Variants in TDRD10 observed in about 807,000 individuals in gnomAD.
TDRD10 encodes tudor domain-containing protein 10.
A neutral mutation model predicts 48.0 loss-of-function variants in TDRD10; 40 were observed. The ratio of observed to expected loss-of-function variants is 0.83; its 90% CI spans 0.65 to 1.09. The LOEUF is 1.09. TDRD10 is among the 50% of genes least tolerant of loss of function. The pLI is 0.00. For synonymous variants in TDRD10, 162 were observed against 170.4 expected (o/e 0.95, Z 0.38); for missense variants, 378 against 434.7 (o/e 0.87, Z 1.16).
Position 154,542,046 on chromosome 1 carries a change from A to T in TDRD10, c.392A>T (p.Glu131Val). The change falls in exon 7 of 13, where the codon GAA becomes GTA. Residue 131 changes from glutamate to valine, a missense_variant. Physicochemically the swap from Glu to Val is moderately radical, Grantham distance 121. Coordinates refer to ENST00000368482, the MANE Select transcript of TDRD10 (RefSeq NM_182499.4). Reference sequence around the variant, plus strand: ...CAGGTGTTGGAGAAGGCTTCTGGTGAAGGATTTGGCAAAACCGCCGGTGAG... The same window carrying T: ...CAGGTGTTGGAGAAGGCTTCTGGTGTAGGATTTGGCAAAACCGCCGGTGAG... ...APLVLEKASG[E>V]GFGKTAAIIQ... is the part of the protein sequence containing the mutation. 6.2e-7 allele frequency: 1 copy of T among 1,613,968 alleles called. No individual in the cohort carries two copies. Among genetic ancestry groups the T allele is most frequent in the Non-Finnish European group, 8.5e-7 (1 of 1,179,926 alleles).
intron 4 of TDRD10, among the ~76,000 whole-genome samples, chr1:154,518,459 G>A (rs1448975405): frequency 6.6e-6 from 1 of 151,322 alleles, no homozygotes; most frequent in Non-Finnish European, 1.5e-5. Context: ...ACGGAGTCTT[G>A]CTCTGTCACC....
At chr1:154,520,174 A>T in intron 4 of TDRD10, 130 bp from the exon 5 acceptor site, 1 of 661,746 alleles carries the variant, frequency 1.5e-6, no homozygotes, top group East Asian at 2.7e-5. Flanking sequence ...TGGCACGTAC[A>T]GCACATAATA....
intron 11 of TDRD10, 22 bp from the exon 12 acceptor site, chr1:154,547,387 G>A (rs1571001075): frequency 6.2e-7 from 1 of 1,614,060 alleles, no homozygotes; most frequent in South Asian, 1.1e-5. Context: ...CTGAGGTTTT[G>A]TTGTTGTGTC....
chr1:154,543,817 C>T (rs1485087338), intron 8 of TDRD10, 146 bp from the exon 9 acceptor site: 1 of 1,262,252 alleles, frequency 7.9e-7, no homozygotes, highest in Non-Finnish European at 1.1e-6. Flanking sequence ...AGCTCCCACC[C>T]TAGAGGGGGT....
At chr1:154,536,317 G>C (rs1026017540) in intron 6 of TDRD10, among the ~76,000 whole-genome samples, 3 of 152,102 alleles carry the variant, frequency 2.0e-5, no homozygotes, top group Non-Finnish European at 4.4e-5. Flanking sequence ...CAGAGGTTGC[G>C]GTGAGCTGAG....
intron 6 of TDRD10, among the ~76,000 whole-genome samples, chr1:154,528,752 G>A (rs1279806883): frequency 2.0e-5 from 3 of 150,784 alleles, no homozygotes; most frequent in Admixed American, 6.6e-5. Flanking sequence ...GGAGGCAGAG[G>A]TTGCAGTGAG....
chr1:154,517,925 G>A (rs752580255), intron 4 of TDRD10, among the ~76,000 whole-genome samples: 3 of 152,184 alleles, frequency 2.0e-5, no homozygotes, highest in Non-Finnish European at 4.4e-5. Flanking sequence ...GAAGGGGACT[G>A]ACTTGCACTC....
rs751202883 is a variant in TDRD10 at position 154,547,760 on chromosome 1, G to A, written c.*50G>A. The A allele has an allele frequency of 6.2e-7, 1 of 1,607,846 alleles. No individual in the cohort carries two copies. The highest frequency in any genetic ancestry group is 1.7e-5 in the Admixed American group (1 of 60,026). ...TCTCCTGTTTGCCACGGATCCAGAG[G>A]CCACCTGCCCTGTCTTCTCGTACCC... On this transcript the variant is annotated 3_prime_UTR_variant, in exon 13 of 13. Transcript: ENST00000368482.
chr1:154,529,836 C>T (rs116710125), intron 6 of TDRD10, among the ~76,000 whole-genome samples: 4,788 of 152,046 alleles, frequency 0.031, 104 homozygotes, highest in Middle Eastern at 0.071. Flanking sequence ...TGAGCTACTG[C>T]GCCCAGCTTC....
chr1:154,517,307 C>G (rs1213810783), intron 4 of TDRD10, among the ~76,000 whole-genome samples: 1 of 152,128 alleles, frequency 6.6e-6, no homozygotes. Context: ...CAGCTCTAGG[C>G]AGTAATTTTG....
chr1:154,511,280 G>A (rs1486291134), intron 4 of TDRD10, among the ~76,000 whole-genome samples: 1 of 150,702 alleles, frequency 6.6e-6, no homozygotes, highest in Non-Finnish European at 1.5e-5. Context: ...ATTTTTTTGT[G>A]TTTTTAGTAG....
Position 154,508,473 on chromosome 1 carries a change from A to G in TDRD10, c.133A>G (p.Ile45Val), listed in dbSNP as rs1441088212. The part of the protein sequence containing the change: ...EVYVGNLPLD[I>V]SKEEILYLLK... ...GTATGTTGGCAATCTTCCACTGGAT[A>G]TTTCTAAGGTATTTATTCTTCACAA... The change falls in exon 4 of 13, where the codon ATT (isoleucine) becomes GTT (valine). Residue 45 changes from isoleucine (I) to valine (V), a missense_variant. Coordinates refer to ENST00000368482, the MANE Select transcript of TDRD10 (RefSeq NM_182499.4). The G allele has an allele frequency of 6.2e-6, 10 of 1,605,580 alleles. No individual in the cohort carries two copies. In the Middle Eastern group the frequency reaches 5.0e-4, roughly 80 times the overall value.
chr1:154,541,962 CAT>C (rs1177208774), intron 6 of TDRD10, 60 bp from the exon 7 acceptor site: 7 of 1,549,314 alleles, frequency 4.5e-6, no homozygotes, highest in Non-Finnish European at 5.3e-6. Context: ...AGTGATTCAA[CAT>C]AGAAATCAAT....
At chr1:154,542,934 C>T (rs1695326800) in intron 8 of TDRD10, 113 bp downstream of exon 8, 1 of 794,322 alleles carries the variant, frequency 1.3e-6, no homozygotes, top group African/African-American at 1.7e-5. Context: ...TTCGGGAACT[C>T]CTGTGTCAGA....
At chr1:154,513,905 A>G (rs1408247707) in intron 4 of TDRD10, among the ~76,000 whole-genome samples, 1 of 152,194 alleles carries the variant, frequency 6.6e-6, no homozygotes, top group Non-Finnish European at 1.5e-5. Flanking sequence ...GAAGAGACTT[A>G]GGGGCTGTGT....
At chr1:154,543,332 A>G (rs1350593639) in intron 8 of TDRD10, among the ~76,000 whole-genome samples, 1 of 152,176 alleles carries the variant, frequency 6.6e-6, no homozygotes, top group African/African-American at 2.4e-5. Flanking sequence ...ATGTACAGCA[A>G]AGGCCTGTGA....
At chr1:154,538,374 C>T (rs1361378923) in intron 6 of TDRD10, among the ~76,000 whole-genome samples, 5 of 150,714 alleles carry the variant, frequency 3.3e-5, no homozygotes, top group Admixed American at 3.3e-4. Flanking sequence ...CAAGGGGAAA[C>T]CCGGTCTCTA....
intron 11 of TDRD10, among the ~76,000 whole-genome samples, chr1:154,547,053 G>A (rs1695635892): frequency 6.6e-6 from 1 of 152,024 alleles, no homozygotes; most frequent in Non-Finnish European, 1.5e-5. Context: ...AAACCTCTCT[G>A]GTTTTAACCT....
intron 4 of TDRD10, among the ~76,000 whole-genome samples, chr1:154,508,930 G>GT (rs1406264992): frequency 6.6e-6 from 1 of 152,090 alleles, no homozygotes. Flanking sequence ...GTAAGCAATC[G>GT]TATTTTTGAC....
Sources: allele counts gnomAD v4.1 joint callset (sites outside exome capture counted in the v4.1 genomes callset), GRCh38; gene constraint gnomAD v4.1.1; transcripts MANE v1.5; gene names NCBI Gene and HGNC (gene_info 2026-07-23, HGNC 2026-07-21).